The following ITCH variants were observed in gnomAD, a reference collection of about 807,000 sequenced individuals.
The protein encoded by ITCH is E3 ubiquitin-protein ligase Itchy homolog.
In ITCH, 28 loss-of-function variants were observed where a neutral mutation model predicts 126.8. The observed-to-expected ratio is 0.22, with a 90% CI of 0.16 to 0.30. ITCH has a LOEUF of 0.30. Ranked by LOEUF, ITCH falls within the 10% of genes least tolerant of loss-of-function variation. The pLI, the probability that ITCH is intolerant of heterozygous loss-of-function variation, is 1.00. For missense variants in ITCH, 631 were observed against 1,032.4 expected (o/e 0.61, Z 5.33); for synonymous variants, 342 against 340.0 (o/e 1.01, Z -0.06).
intron 16 of ITCH, among the ~76,000 whole-genome samples, 195 bp downstream of exon 16, chr20:34,471,710 G>T (rs577860722): frequency 5.5e-4 from 73 of 131,556 alleles, no homozygotes; most frequent in Middle Eastern, 3.7e-3. Context: ...GTGTGTGTGT[G>T]TGTGTTTCAG....
intron 3 of ITCH, among the ~76,000 whole-genome samples, chr20:34,394,624 C>G (rs2038608292): frequency 6.6e-6 from 1 of 152,208 alleles, no homozygotes. Context: ...CTTAAATGAT[C>G]CTCCCACTAG....
At chr20:34,480,270 CCA>C (rs1189297861) in intron 18 of ITCH, among the ~76,000 whole-genome samples, 1 of 151,640 alleles carries the variant, frequency 6.6e-6, no homozygotes, top group Admixed American at 6.6e-5. Flanking sequence ...TGATCTCGGC[CCA>C]CCACAACCTC....
chr20:34,394,513 G>T (rs925656906), intron 3 of ITCH, among the ~76,000 whole-genome samples: 29 of 152,112 alleles, frequency 1.9e-4, no homozygotes, highest in Admixed American at 1.9e-3. Context: ...GCCTCCTGCT[G>T]TGGTGACTAC....
intron 14 of ITCH, among the ~76,000 whole-genome samples, chr20:34,464,751 C>T (rs887996280): frequency 2.0e-4 from 31 of 151,974 alleles, no homozygotes; most frequent in African/African-American, 6.8e-4. Flanking sequence ...CACTCTGTCG[C>T]CCAGGCTGGA....
chr20:34,492,474 A>G, intron 22 of ITCH, 27 bp from the exon 23 acceptor site: 1 of 1,233,294 alleles, frequency 8.1e-7, no homozygotes, highest in Non-Finnish European at 1.2e-6. Context: ...TATGACATAT[A>G]TATCTCTTTA....
intron 2 of ITCH, among the ~76,000 whole-genome samples, chr20:34,381,951 A>G (rs2038083407): frequency 6.6e-6 from 1 of 152,088 alleles, no homozygotes; most frequent in African/African-American, 2.4e-5. Flanking sequence ...TTGGTGTCAT[A>G]TCTACAAAAA....
intron 11 of ITCH, among the ~76,000 whole-genome samples, chr20:34,446,619 T>C (rs966172861): frequency 6.6e-6 from 1 of 152,224 alleles, no homozygotes; most frequent in Admixed American, 6.5e-5. Flanking sequence ...TTGTGTACTT[T>C]ACCCTTCTTT....
chr20:34,444,761 G>A (rs987233983), intron 10 of ITCH, among the ~76,000 whole-genome samples: 9 of 152,066 alleles, frequency 5.9e-5, no homozygotes, highest in African/African-American at 1.4e-4. Context: ...CCTGCTCAGC[G>A]TCCCGCGTAG....
chr20:34,470,450 T>A (rs1180065355), intron 15 of ITCH, among the ~76,000 whole-genome samples: 2 of 151,570 alleles, frequency 1.3e-5, no homozygotes, highest in Admixed American at 6.6e-5. Context: ...TTCTTTTTTT[T>A]AAAGAAGAAA....
chr20:34,370,301 G>A (rs2037573104), intron 2 of ITCH, among the ~76,000 whole-genome samples: 1 of 152,098 alleles, frequency 6.6e-6, no homozygotes, highest in Non-Finnish European at 1.5e-5. Context: ...CCCTGGCATT[G>A]TTGTGTGGAT....
chr20:34,439,607 T>C (rs943035251), intron 8 of ITCH, among the ~76,000 whole-genome samples: 2 of 152,242 alleles, frequency 1.3e-5, no homozygotes, highest in Non-Finnish European at 2.9e-5. Context: ...TGATTAATTG[T>C]ATATTCTGAG....
chr20:34,445,386 C>T lies in ITCH; in HGVS notation c.1065C>T (p.Asn355=). The change falls in exon 11 of 25, where the codon AAC becomes AAT. Residue 355 remains asparagine, a synonymous_variant. Coordinates refer to ENST00000374864, the MANE Select transcript of ITCH (RefSeq NM_031483.7). ...WQRPTLESVR[N]YEQWQLQRSQ... is the part of the protein sequence containing the mutation. Reference sequence around the variant, plus strand: ...GGCCAACACTGGAATCCGTCCGGAACTATGAACAATGGCAGCTACAGCGTA... The same window carrying T: ...GGCCAACACTGGAATCCGTCCGGAATTATGAACAATGGCAGCTACAGCGTA... 1 of 1,613,526 alleles carries T rather than the reference C, an allele frequency of 6.2e-7. No individual in the cohort carries two copies. The highest frequency in any genetic ancestry group is 1.1e-5 in the South Asian group (1 of 91,048).
At chr20:34,419,544 C>T (rs552755194) in intron 6 of ITCH, among the ~76,000 whole-genome samples, 61 of 151,874 alleles carry the variant, frequency 4.0e-4, no homozygotes, top group African/African-American at 1.5e-3. Context: ...TGCAGTGGCA[C>T]GATCTTGGCT....
intron 17 of ITCH, 40 bp from the exon 18 acceptor site, chr20:34,479,590 C>T (rs781470214): frequency 6.4e-7 from 1 of 1,566,854 alleles, no homozygotes; most frequent in Non-Finnish European, 8.8e-7. Flanking sequence ...TTCTTGGTAA[C>T]CTACAAGATT....
intron 7 of ITCH, among the ~76,000 whole-genome samples, chr20:34,426,254 A>C (rs1318789366): frequency 6.6e-6 from 1 of 152,214 alleles, no homozygotes; most frequent in East Asian, 1.9e-4. Context: ...GAACGAGAAA[A>C]GTAATGTCAC....
At chr20:34,486,293 T>C (rs1462305010) in intron 20 of ITCH, among the ~76,000 whole-genome samples, 1 of 151,926 alleles carries the variant, frequency 6.6e-6, no homozygotes, top group East Asian at 1.9e-4. Flanking sequence ...GTGCTGGAAT[T>C]ATAGGCATGA....
intron 22 of ITCH, among the ~76,000 whole-genome samples, chr20:34,491,046 G>T (rs1299118957): frequency 6.6e-6 from 1 of 152,082 alleles, no homozygotes; most frequent in Non-Finnish European, 1.5e-5. Flanking sequence ...AAGTTACATT[G>T]TAAAGTCACA....
Position 34,440,152 on chromosome 20 carries a change from T to A in ITCH, c.680-3T>A, listed in dbSNP as rs771045304. 8.1e-6 allele frequency: 13 copies of A among 1,604,930 alleles called. No individual in the cohort carries two copies. The highest frequency in any genetic ancestry group is 9.4e-6 in the Non-Finnish European group (11 of 1,171,710). On this transcript the variant is annotated splice_polypyrimidine_tract_variant and splice_region_variant and intron_variant, in intron 8 of 24. Transcript: ENST00000374864. ...TTTCCTATTTTCCCCAAATCTTTTA[T>A]AGCATCTGTCAATGGTTCACCATCT...
intron 2 of ITCH, among the ~76,000 whole-genome samples, chr20:34,380,809 A>G (rs951293419): frequency 6.6e-6 from 1 of 151,844 alleles, no homozygotes. Flanking sequence ...TATTTTTGAG[A>G]CAGAGTCTCA....
Sources: allele counts gnomAD v4.1 joint callset (sites outside exome capture counted in the v4.1 genomes callset), GRCh38; gene constraint gnomAD v4.1.1; transcripts MANE v1.5; gene names NCBI Gene and HGNC (gene_info 2026-07-23, HGNC 2026-07-21).